Variants in SGCZ observed in about 807,000 individuals in gnomAD.
The protein encoded by SGCZ is sarcoglycan zeta, also known as zeta-sarcoglycan.
SGCZ carries 40 observed loss-of-function variants against 41.3 expected under a neutral mutation model. That is an observed-to-expected ratio of 0.97 (90% CI 0.75 to 1.26). The LOEUF is 1.26. Among genes scored for constraint, SGCZ ranks in the 50% most tolerant of loss-of-function variants. The pLI, the probability that SGCZ is intolerant of heterozygous loss-of-function variation, is 0.00. For synonymous variants in SGCZ, 206 were observed against 137.5 expected (o/e 1.50, Z -3.49); for missense variants, 552 against 369.8 (o/e 1.49, Z -4.04).
At chr8:14,255,436 TGC>T (rs1799427142) in intron 3 of SGCZ, among the ~76,000 whole-genome samples, 1 of 152,002 alleles carries the variant, frequency 6.6e-6, no homozygotes, top group Non-Finnish European at 1.5e-5. Context: ...TTTAGCTTAC[TGC>T]TTCTAATGCC....
At chr8:14,269,009 A>T (rs902038340) in intron 3 of SGCZ, among the ~76,000 whole-genome samples, 1 of 151,984 alleles carries the variant, frequency 6.6e-6, no homozygotes, top group Admixed American at 6.6e-5. Context: ...AGAAGAGTAA[A>T]ACAAAAAAGA....
chr8:14,954,783 G>A (rs1800743399), intron 1 of SGCZ, among the ~76,000 whole-genome samples: 1 of 152,140 alleles, frequency 6.6e-6, no homozygotes, highest in African/African-American at 2.4e-5. Context: ...CTTCATTGCA[G>A]CCTGCGAGAT....
intron 1 of SGCZ, among the ~76,000 whole-genome samples, chr8:15,143,354 T>C (rs1231742852): frequency 1.3e-5 from 2 of 152,212 alleles, no homozygotes; most frequent in Non-Finnish European, 2.9e-5. Context: ...AGAATAAAGA[T>C]GTTTCTTCTC....
intron 4 of SGCZ, among the ~76,000 whole-genome samples, chr8:14,199,459 C>G (rs149718738): frequency 0.011 from 1,610 of 152,164 alleles, 26 homozygotes; most frequent in African/African-American, 0.036. Context: ...GTGATCTCGC[C>G]CTGCCTCCAT....
At chr8:14,331,018 G>A (rs533178369) in intron 2 of SGCZ, among the ~76,000 whole-genome samples, 84 of 151,712 alleles carry the variant, frequency 5.5e-4, no homozygotes, top group South Asian at 4.8e-3. Context: ...AAATTCAATA[G>A]GAAGGAAGGT....
intron 1 of SGCZ, among the ~76,000 whole-genome samples, chr8:15,131,764 A>C (rs1807911334): frequency 1.1e-5 from 1 of 93,124 alleles, no homozygotes; most frequent in African/African-American, 3.3e-5. Context: ...ACTCCTCCTT[A>C]TCCCATGAAA....
chr8:14,944,511 T>C (rs1237344362), intron 1 of SGCZ, among the ~76,000 whole-genome samples: 3 of 152,182 alleles, frequency 2.0e-5, no homozygotes, highest in Non-Finnish European at 4.4e-5. Flanking sequence ...CTTTAGGCCA[T>C]TCTATCACAT....
chr8:14,748,013 A>C (rs1799389373), intron 1 of SGCZ, among the ~76,000 whole-genome samples: 1 of 151,760 alleles, frequency 6.6e-6, no homozygotes, highest in Non-Finnish European at 1.5e-5. Context: ...AAATATTATA[A>C]TCATGTTTTT....
At chr8:14,392,364 C>G (rs1292194121) in intron 2 of SGCZ, among the ~76,000 whole-genome samples, 1 of 152,070 alleles carries the variant, frequency 6.6e-6, no homozygotes, top group African/African-American at 2.4e-5. Flanking sequence ...GTAAGATTCT[C>G]TAGATAGCAT....
chr8:14,942,627 C>T (rs1315509447), intron 1 of SGCZ, among the ~76,000 whole-genome samples: 1 of 152,076 alleles, frequency 6.6e-6, no homozygotes, highest in Non-Finnish European at 1.5e-5. Flanking sequence ...TTTGAATGAA[C>T]CAAATGTATG....
At chr8:14,575,663 T>A (rs1242106300) in intron 1 of SGCZ, among the ~76,000 whole-genome samples, 2 of 151,944 alleles carry the variant, frequency 1.3e-5, no homozygotes, top group Non-Finnish European at 2.9e-5. Flanking sequence ...TCCTGGCACT[T>A]TGGGAGGCTG....
At chr8:14,365,684 A>T (rs1563282280) in intron 2 of SGCZ, among the ~76,000 whole-genome samples, 1 of 152,126 alleles carries the variant, frequency 6.6e-6, no homozygotes, top group African/African-American at 2.4e-5. Context: ...GAAATAATGG[A>T]TATACTTTAA....
chr8:15,235,471 A>G (rs980136269), intron 1 of SGCZ, among the ~76,000 whole-genome samples: 1 of 152,148 alleles, frequency 6.6e-6, no homozygotes, highest in Non-Finnish European at 1.5e-5. Flanking sequence ...ATTTCTTCCC[A>G]GTCAGTCATT....
At chr8:14,533,159 A>G (rs1803188681) in intron 2 of SGCZ, among the ~76,000 whole-genome samples, 1 of 150,378 alleles carries the variant, frequency 6.6e-6, no homozygotes, top group Non-Finnish European at 1.5e-5. Context: ...CCCACCCCAC[A>G]ACAGGCCCCG....
intron 1 of SGCZ, among the ~76,000 whole-genome samples, chr8:14,672,796 C>A (rs1808146581): frequency 6.6e-6 from 1 of 152,024 alleles, no homozygotes. Context: ...ACTAGTAAGA[C>A]CTCTTTGCTT....
At chr8:14,943,577 A>G (rs1405326038) in intron 1 of SGCZ, among the ~76,000 whole-genome samples, 1 of 152,124 alleles carries the variant, frequency 6.6e-6, no homozygotes, top group Non-Finnish European at 1.5e-5. Context: ...TTCTTTGTTA[A>G]CTTTTATTTG....
chr8:14,259,373 G>C (rs1799573456), intron 3 of SGCZ, among the ~76,000 whole-genome samples: 1 of 151,708 alleles, frequency 6.6e-6, no homozygotes, highest in African/African-American at 2.4e-5. Context: ...TTTTAGACAT[G>C]AAGTCCTTGC....
intron 5 of SGCZ, among the ~76,000 whole-genome samples, chr8:14,138,288 T>C (rs199682719): frequency 2.6e-5 from 4 of 152,028 alleles, no homozygotes; most frequent in African/African-American, 9.7e-5. Flanking sequence ...AGCAAAATAA[T>C]CAGCTAACAT....
At chr8:15,236,617 A>T (rs1264233850) in intron 1 of SGCZ, among the ~76,000 whole-genome samples, 4 of 152,116 alleles carry the variant, frequency 2.6e-5, no homozygotes, top group Non-Finnish European at 5.9e-5. Context: ...GGACATTTAA[A>T]GTATTTTGTG....
Sources: gnomAD v4.1 joint callset for allele counts (sites outside exome capture counted in the v4.1 genomes callset) on GRCh38, gnomAD v4.1.1 for gene constraint, MANE v1.5 for transcripts, NCBI Gene and HGNC (gene_info 2026-07-23, HGNC 2026-07-21) for gene names.